Variants in PIK3R5 observed in about 807,000 individuals in gnomAD.
The protein encoded by PIK3R5 is phosphoinositide 3-kinase regulatory subunit 5.
A neutral mutation model predicts 94.9 loss-of-function variants in PIK3R5; 32 were observed. That is an observed-to-expected ratio of 0.34 (90% CI 0.25 to 0.45). The LOEUF (loss-of-function observed/expected upper bound fraction) is 0.45, where lower values mean the gene tolerates loss of function less well. PIK3R5 is among the 20% of genes least tolerant of loss of function. The probability of loss-of-function intolerance (pLI) is 1.00; values close to 1 mark genes in which losing one functional copy is unlikely to be tolerated. For missense variants in PIK3R5, 853 were observed against 1,144.6 expected, an observed-to-expected ratio of 0.75 and a Z score of 3.68; for synonymous variants, 443 against 479.4, an observed-to-expected ratio of 0.92 and a Z score of 0.99.
intron 1 of PIK3R5, among the ~76,000 whole-genome samples, chr17:8,961,088 G>A (rs1437270295): frequency 6.6e-6 from 1 of 152,312 alleles, no homozygotes; most frequent in East Asian, 1.9e-4. Flanking sequence ...GGTCAGTGCT[G>A]AAGGGCAAAG....
At chr17:8,950,808 T>C (rs559538040) in intron 1 of PIK3R5, among the ~76,000 whole-genome samples, 2 of 152,316 alleles carry the variant, frequency 1.3e-5, no homozygotes, top group South Asian at 4.1e-4. Context: ...CCTTTGGGAA[T>C]ATACCCAGTA....
At position 8,938,349 on chromosome 17, in the gene PIK3R5, G is replaced by A. The variant is rs530909198; in HGVS notation, c.-13-26842C>T. On this transcript the variant is annotated intron_variant, in intron 1 of 18. Coordinates refer to ENST00000447110, the MANE Select transcript of PIK3R5 (RefSeq NM_001142633.3). ...CTTTATTATCTTTTCAATGTCCATAGGTTTGGCAGTGATTTTTACTTTTTT... is the reference window on the plus strand; with the variant it reads ...CTTTATTATCTTTTCAATGTCCATAAGTTTGGCAGTGATTTTTACTTTTTT... 1.7e-4 allele frequency among the ~76,000 whole-genome samples: 26 copies of A among 152,292 alleles called. 1 individual carries two copies. In the East Asian group the frequency reaches 4.4e-3, roughly 26 times the overall value.
At chr17:8,914,062 C>T (rs1300330843) in intron 1 of PIK3R5, among the ~76,000 whole-genome samples, 1 of 152,342 alleles carries the variant, frequency 6.6e-6, no homozygotes, top group East Asian at 1.9e-4. Flanking sequence ...GGGCTAACGG[C>T]ACCTGCTGGA....
intron 2 of PIK3R5, among the ~76,000 whole-genome samples, chr17:8,910,717 C>G (rs983806503): frequency 3.9e-5 from 6 of 152,092 alleles, no homozygotes; most frequent in African/African-American, 1.4e-4. Flanking sequence ...TGTGTACTTC[C>G]CAGGGAAGAG....
At position 8,884,817 on chromosome 17, in the gene PIK3R5, C is replaced by T; in HGVS notation, c.2129-34G>A. 1 of 1,601,120 alleles carries T rather than the reference C, an allele frequency of 6.2e-7. No homozygotes were observed. Among genetic ancestry groups the T allele is most frequent in the South Asian group, 1.1e-5 (1 of 90,884 alleles). ...CACACAGACAGACCCTTCACTACCCCTGGCTTCCCCGGCTCCTCACGAACG... is the reference window on the plus strand; with the variant it reads ...CACACAGACAGACCCTTCACTACCCTTGGCTTCCCCGGCTCCTCACGAACG... On this transcript the variant is annotated intron_variant, in intron 14 of 18. Transcript: ENST00000447110. This position sits in a 1 kb window ranked among gnomAD's most constrained non-coding sequence, Gnocchi z 5.8.
intron 1 of PIK3R5, among the ~76,000 whole-genome samples, chr17:8,938,714 C>T (rs2091120442): frequency 6.6e-6 from 1 of 152,206 alleles, no homozygotes; most frequent in Admixed American, 6.5e-5. Flanking sequence ...ACAGTACTTA[C>T]TCCTTTTTAT....
At position 8,904,662 on chromosome 17, in the gene PIK3R5, A is replaced by G. The variant is rs952134795; in HGVS notation, c.412+115T>C. ...CATGTTTGTGAACCAAGGCGTTGGC[A>G]GAGATGAATCAAAGGATGCAAGGTA... is the stretch of plus-strand genomic sequence containing the variant. On this transcript the variant is annotated intron_variant, in intron 5 of 18. Transcript: ENST00000447110. The surrounding 1 kb of genome is among the most constrained non-coding windows in gnomAD (Gnocchi z 5.1). The G allele has an allele frequency of 7.9e-6, 8 of 1,006,324 alleles. No individual in the cohort carries two copies. In the African/African-American group the frequency reaches 1.3e-4, roughly 16 times the overall value. 62.3% of individuals were successfully genotyped at this position (1,006,324 alleles called of 1,614,324 possible).
chr17:8,890,793 A>C lies in PIK3R5; in HGVS notation c.602T>G (p.Phe201Cys). ...ACAGTGGGCCCCAAAGGTGGCCTGGAAGGCGTGCAGGAGCAGGGTGGTGTA... is the reference window on the plus strand; with the variant it reads ...ACAGTGGGCCCCAAAGGTGGCCTGGCAGGCGTGCAGGAGCAGGGTGGTGTA... ...SAYTTLLLHAFQATFGAHCDV... is the reference protein window; with the variant it reads ...SAYTTLLLHACQATFGAHCDV... The change falls in exon 7 of 19, where the codon TTC becomes TGC. Residue 201 changes from phenylalanine (F) to cysteine (C), a missense_variant. This residue lies in a region of PIK3R5 where 161 missense variants were observed against 249.5 expected (regional missense o/e 0.65). Transcript: ENST00000447110. This position sits in a 1 kb window ranked among gnomAD's most constrained non-coding sequence, Gnocchi z 6.1. 6.2e-7 allele frequency: 1 copy of C among 1,612,984 alleles called. No homozygotes were observed. Among genetic ancestry groups the C allele is most frequent in the Non-Finnish European group, 8.5e-7 (1 of 1,179,598 alleles).
At chr17:8,886,135 G>T in intron 14 of PIK3R5, 94 bp downstream of exon 14, 1 of 940,512 alleles carries the variant, frequency 1.1e-6, no homozygotes, top group Non-Finnish European at 1.7e-6. Flanking sequence ...CCTTCCCATG[G>T]CCCCACCTCC....
intron 1 of PIK3R5, among the ~76,000 whole-genome samples, chr17:8,942,165 C>A (rs1286505738): frequency 1.3e-5 from 2 of 152,106 alleles, no homozygotes; most frequent in East Asian, 3.9e-4. Flanking sequence ...GTCCTGGGGT[C>A]TTTCAAAAGC....
intron 1 of PIK3R5, among the ~76,000 whole-genome samples, chr17:8,949,968 C>G (rs1457839378): frequency 6.6e-6 from 1 of 152,176 alleles, no homozygotes; most frequent in Non-Finnish European, 1.5e-5. Flanking sequence ...CACCAGTCCC[C>G]TGGCAACATT....
intron 5 of PIK3R5, among the ~76,000 whole-genome samples, chr17:8,898,962 T>G (rs1311130827): frequency 6.6e-6 from 1 of 152,252 alleles, no homozygotes; most frequent in African/African-American, 2.4e-5. Flanking sequence ...GGTGCAATCC[T>G]TGAGGTCTGT....
Position 8,925,585 on chromosome 17 carries a change from A to G in PIK3R5, c.-13-14078T>C, listed in dbSNP as rs1401460264. ...ATAGATAGAGAAAAAAGGAACACAC[A>G]TGCATACAATCCAAACTGAAACCAA... On this transcript the variant is annotated intron_variant, in intron 1 of 18. Transcript: ENST00000447110. The surrounding 1 kb of genome is among the most constrained non-coding windows in gnomAD (Gnocchi z 5.1). 1.3e-5 allele frequency among the ~76,000 whole-genome samples: 2 copies of G among 152,224 alleles called. No individual in the cohort carries two copies. Among genetic ancestry groups the G allele is most frequent in the Non-Finnish European group, 2.9e-5 (2 of 68,036 alleles).
Position 8,887,159 on chromosome 17 carries a change from C to T in PIK3R5, c.1842G>A (p.Leu614=), listed in dbSNP as rs780902845. ...GTACATTGCGCTCATACCAGGGGTC[C>T]AGCATGCCGAGGTAGTGGGAGATGT... ...TNDISHYLGM[L]DPWYERNVLG... Residue 614 remains leucine (L), a synonymous_variant, in exon 12 of 19, where the codon CTG becomes CTA. Transcript: ENST00000447110. The T allele has an allele frequency of 3.7e-6, 6 of 1,613,896 alleles. No individual in the cohort carries two copies. Among genetic ancestry groups the T allele is most frequent in the Admixed American group, 3.3e-5 (2 of 60,006 alleles).
rs565997929 is a variant in PIK3R5 at position 8,915,980 on chromosome 17, C to T, written c.-13-4473G>A. 2.6e-5 allele frequency: 4 copies of T among 152,606 alleles called. 1 individual carries two copies. Among genetic ancestry groups the T allele is most frequent in the African/African-American group, 9.6e-5 (4 of 41,546 alleles). 9.5% of individuals were successfully genotyped at this position (152,606 alleles called of 1,614,324 possible). A position where few individuals can be genotyped will look rare whatever the true frequency, so the allele number is the denominator to read the frequency against. ...CCCTTCCCCCCAACCCCACCCTGCT[C>T]AAGGGACACATCAAAGCCTTCTCCA... On this transcript the variant is annotated intron_variant, in intron 1 of 18. Coordinates refer to ENST00000447110, the MANE Select transcript of PIK3R5 (RefSeq NM_001142633.3).
intron 1 of PIK3R5, among the ~76,000 whole-genome samples, chr17:8,948,044 A>T (rs1436192047): frequency 1.2e-4 from 3 of 24,466 alleles, no homozygotes; most frequent in Non-Finnish European, 7.1e-4. Flanking sequence ...CTCCGTCTTA[A>T]AAAAAAAAAA....
intron 1 of PIK3R5, among the ~76,000 whole-genome samples, chr17:8,941,645 C>T (rs145239767): frequency 5.3e-5 from 8 of 152,364 alleles, no homozygotes; most frequent in African/African-American, 1.2e-4. Flanking sequence ...GCTTCGAGAG[C>T]GGCCCACGCG....
chr17:8,964,403 A>C (rs1032213470), intron 1 of PIK3R5, among the ~76,000 whole-genome samples: 4 of 152,072 alleles, frequency 2.6e-5, no homozygotes, highest in African/African-American at 4.8e-5. Context: ...TAATAATAAT[A>C]ATAATAATTC....
chr17:8,894,853 C>T (rs906411472), intron 5 of PIK3R5, among the ~76,000 whole-genome samples: 2 of 150,586 alleles, frequency 1.3e-5, no homozygotes, highest in Non-Finnish European at 3.0e-5. Flanking sequence ...CAGGACGTCC[C>T]CTCAGAAGTG....
Sources: allele counts gnomAD v4.1 joint callset (sites outside exome capture counted in the v4.1 genomes callset), GRCh38; gene constraint gnomAD v4.1.1; regional missense constraint gnomAD v4.1.1; non-coding constraint Gnocchi (gnomAD v3.1); transcripts MANE v1.5; gene names NCBI Gene and HGNC (gene_info 2026-07-23, HGNC 2026-07-21).